The following LITAF variants were observed in gnomAD, a reference collection of about 807,000 sequenced individuals.
The protein encoded by LITAF is lipopolysaccharide induced TNF factor, also known as lipopolysaccharide-induced tumor necrosis factor-alpha factor.
A neutral mutation model predicts 14.5 loss-of-function variants in LITAF; 9 were observed. The observed-to-expected ratio is 0.62, with a 90% CI of 0.37 to 1.08. The LOEUF is 1.08. LITAF is among the 50% of genes least tolerant of loss of function. LITAF has a pLI of 0.01. For missense variants in LITAF, 206 were observed against 213.4 expected, an observed-to-expected ratio of 0.97 and a Z score of 0.22; for synonymous variants, 98 against 88.2, an observed-to-expected ratio of 1.11 and a Z score of -0.62.
chr16:11,566,767 A>G (rs1326469467), intron 1 of LITAF, among the ~76,000 whole-genome samples: 2 of 151,700 alleles, frequency 1.3e-5, no homozygotes, highest in African/African-American at 4.9e-5. Context: ...AGGGGGGCGC[A>G]TGGACAGAGG....
chr16:11,573,145 GT>G (rs1249622990), intron 1 of LITAF, among the ~76,000 whole-genome samples: 11 of 152,000 alleles, frequency 7.2e-5, no homozygotes, highest in Non-Finnish European at 1.3e-4. Context: ...GCCCAGGCTG[GT>G]CCCAAACTCC....
At chr16:11,566,282 G>A (rs1019822841) in intron 1 of LITAF, among the ~76,000 whole-genome samples, 2 of 152,060 alleles carry the variant, frequency 1.3e-5, no homozygotes, top group African/African-American at 2.4e-5. Flanking sequence ...TGCTTCATAG[G>A]GTGACCCAAT....
upstream of LITAF, among the ~76,000 whole-genome samples, chr16:11,588,569 G>GAA (rs994296594): frequency 7.8e-6 from 1 of 127,424 alleles, no homozygotes; most frequent in Non-Finnish European, 1.7e-5. Flanking sequence ...GAAAGAAAGG[G>GAA]AAAAGAAAGA....
In LITAF at chr16:11,558,948, G is replaced by A. The variant is rs1030657043; in HGVS notation, c.-5-2213C>T. 8.6e-5 allele frequency among the ~76,000 whole-genome samples: 13 copies of A among 151,996 alleles called. No individual in the cohort carries two copies. Among genetic ancestry groups the A allele is most frequent in the African/African-American group, 2.4e-4 (10 of 41,376 alleles). On this transcript the variant is annotated intron_variant, in intron 1 of 3. Coordinates refer to ENST00000622633, the MANE Select transcript of LITAF (RefSeq NM_001136472.2). The surrounding 1 kb of genome is among the most constrained non-coding windows in gnomAD (Gnocchi z 4.1). ...CACCAGTCACGTAAGGTTATTGGGC[G>A]TCTAAAATGTGGCTTGTGGCCGGGC...
In LITAF at chr16:11,582,224, G is replaced by C. The variant is rs554766571; in HGVS notation, c.-6+4662C>G. On this transcript the variant is annotated intron_variant, in intron 1 of 3. Transcript: ENST00000622633. ...CCATAAATGTGTATGATTATTATGT[G>C]TCAACTAAAAATAAAAGAGAAAATG... Among the ~76,000 whole-genome samples, 5 of 148,664 alleles carry C rather than the reference G, an allele frequency of 3.4e-5. No homozygotes were observed. In the South Asian group the frequency reaches 6.5e-4, roughly 19 times the overall value.
intron 1 of LITAF, among the ~76,000 whole-genome samples, chr16:11,579,028 A>C (rs1405637848): frequency 6.6e-6 from 1 of 151,998 alleles, no homozygotes; most frequent in Non-Finnish European, 1.5e-5. Context: ...ATCTCTACTA[A>C]AAATACAAAA....
At chr16:11,593,529 G>A (rs1452852893) in intron 1 of LITAF, among the ~76,000 whole-genome samples, 2 of 152,116 alleles carry the variant, frequency 1.3e-5, no homozygotes, top group Admixed American at 6.6e-5. Context: ...AAACTTGTAC[G>A]AGAATGTTCA....
In LITAF at chr16:11,582,269, G is replaced by T. The variant is rs145696243; in HGVS notation, c.-6+4617C>A. Among the ~76,000 whole-genome samples the T allele has an allele frequency of 1.0e-3, 147 of 141,126 alleles. 1 individual carries two copies. Among genetic ancestry groups the T allele is most frequent in the African/African-American group, 3.7e-3 (140 of 37,786 alleles). The allele number at this position is 141,126 out of a possible 152,430, so 92.6% of individuals were successfully genotyped here. A position where few individuals can be genotyped will look rare whatever the true frequency, so the allele number is the denominator to read the frequency against. ...AAAATGGTCAATGGCTTTTTAAAGG[G>T]TTTGAAAACAAGAGCAAGATATAGT... On this transcript the variant is annotated intron_variant, in intron 1 of 3. Transcript: ENST00000622633.
intron 1 of LITAF, among the ~76,000 whole-genome samples, chr16:11,582,543 C>T (rs1293282821): frequency 1.3e-5 from 2 of 152,064 alleles, no homozygotes; most frequent in African/African-American, 4.8e-5. Context: ...GAGAAATATT[C>T]AATTCTACTC....
intron 2 of LITAF, chr16:11,556,150 C>T (rs1379164100): frequency 2.4e-6 from 1 of 412,896 alleles, no homozygotes; most frequent in Non-Finnish European, 4.3e-6. Context: ...CCTATTCCTA[C>T]CTCGGCCCTG....
chr16:11,563,720 T>A lies in LITAF; in HGVS notation c.-5-6985A>T, dbSNP rs114475893. Among the ~76,000 whole-genome samples the A allele has an allele frequency of 1.9e-3, 285 of 152,104 alleles. 1 individual carries two copies. Among genetic ancestry groups the A allele is most frequent in the African/African-American group, 6.1e-3 (252 of 41,502 alleles). On this transcript the variant is annotated intron_variant, in intron 1 of 3. Coordinates refer to ENST00000622633, the MANE Select transcript of LITAF (RefSeq NM_001136472.2). The stretch of plus-strand genomic sequence containing the variant: ...TAGAACGTTAATGATCAGCCGAGGA[T>A]GGAAAGTCACAAAGCTCAGCCCTCT...
At chr16:11,573,155 C>A (rs2064572531) in intron 1 of LITAF, among the ~76,000 whole-genome samples, 1 of 152,074 alleles carries the variant, frequency 6.6e-6, no homozygotes, top group Admixed American at 6.6e-5. Flanking sequence ...GTCCCAAACT[C>A]CTGACCTCAA....
intron 3 of LITAF, among the ~76,000 whole-genome samples, chr16:11,626,751 C>T (rs1597376046): frequency 1.3e-5 from 2 of 152,316 alleles, no homozygotes; most frequent in South Asian, 2.1e-4. Flanking sequence ...GGATTACAGG[C>T]GTGAGCCACC....
chr16:11,583,492 G>C (rs760150833), intron 1 of LITAF, among the ~76,000 whole-genome samples: 17 of 152,208 alleles, frequency 1.1e-4, no homozygotes, highest in Non-Finnish European at 2.4e-4. Flanking sequence ...TATGAACGCT[G>C]ATGACAATTT....
chr16:11,574,009 G>GTT (rs1567247167), intron 1 of LITAF, among the ~76,000 whole-genome samples: 10 of 67,108 alleles, frequency 1.5e-4, no homozygotes, highest in African/African-American at 4.6e-4. Flanking sequence ...GCGTTTTTTT[G>GTT]GTTTTTTTTT....
intron 3 of LITAF, among the ~76,000 whole-genome samples, chr16:11,615,176 G>C (rs1478396448): frequency 6.6e-6 from 1 of 152,198 alleles, no homozygotes; most frequent in East Asian, 1.9e-4. Flanking sequence ...AGAGATCCCA[G>C]GAAGAAAAGC....
Position 11,559,038 on chromosome 16 carries a change from A to G in LITAF, c.-5-2303T>C, listed in dbSNP as rs112656891. On this transcript the variant is annotated intron_variant, in intron 1 of 3. Transcript: ENST00000622633. The stretch of plus-strand genomic sequence containing the variant: ...CGAGGCAGTGGGATTACTTGAGCCC[A>G]GGAGTTCAAGACCAGCCTAGACAAC... Among the ~76,000 whole-genome samples, 484 of 152,312 alleles carry G rather than the reference A, an allele frequency of 3.2e-3. 2 individuals are homozygous for G. The highest frequency in any genetic ancestry group is 0.01 in the Middle Eastern group (3 of 294).
upstream of LITAF, among the ~76,000 whole-genome samples, chr16:11,636,609 C>G (rs1221603369): frequency 6.6e-6 from 1 of 152,174 alleles, no homozygotes. Context: ...GTTGCCTGTT[C>G]CTTTACGGTA....
chr16:11,587,593 G>T, upstream of LITAF: 1 of 276,404 alleles, frequency 3.6e-6, no homozygotes, highest in Non-Finnish European at 7.4e-6. Context: ...AGGCTTATCA[G>T]CTGCCTGTCC....
Sources: allele counts gnomAD v4.1 joint callset (sites outside exome capture counted in the v4.1 genomes callset), GRCh38; gene constraint gnomAD v4.1.1; non-coding constraint Gnocchi (gnomAD v3.1); transcripts MANE v1.5; gene names NCBI Gene and HGNC (gene_info 2026-07-23, HGNC 2026-07-21).